Variants in COL14A1 observed in about 807,000 individuals in gnomAD.
COL14A1 encodes collagen alpha-1(XIV) chain.
A neutral mutation model predicts 230.3 loss-of-function variants in COL14A1; 136 were observed. That is an observed-to-expected ratio of 0.59 (90% CI 0.51 to 0.68). The LOEUF is 0.68. Ranked by LOEUF, COL14A1 falls within the 30% of genes least tolerant of loss-of-function variation. The pLI, the probability that COL14A1 is intolerant of heterozygous loss-of-function variation, is 0.00. For missense variants in COL14A1, 1,976 were observed against 2,215.8 expected (o/e 0.89, Z 2.17); for synonymous variants, 792 against 784.1 (o/e 1.01, Z -0.17).
rs118148756 is a variant in COL14A1, at chr8:120,279,775, T to C, written c.3482-160T>C. ...GGAATCATTATCACATAATGAAATA[T>C]ATACATGCAGAACTCTGATGAACTG... On this transcript the variant is annotated intron_variant, in intron 28 of 47. Coordinates refer to ENST00000297848, the MANE Select transcript of COL14A1 (RefSeq NM_021110.4). 1.7e-4 allele frequency among the ~76,000 whole-genome samples: 26 copies of C among 152,302 alleles called. No homozygotes were observed. The East Asian group carries it at 3.9e-3, about 23-fold the overall frequency.
intron 37 of COL14A1, among the ~76,000 whole-genome samples, chr8:120,310,652 T>G (rs2198748): frequency 1.3e-5 from 2 of 151,986 alleles, no homozygotes; most frequent in African/African-American, 4.8e-5. Context: ...AGAAGCCCAG[T>G]CACTAATGGA....
At chr8:120,129,162 G>A (rs1310252576) in intron 1 of COL14A1, among the ~76,000 whole-genome samples, 5 of 152,160 alleles carry the variant, frequency 3.3e-5, no homozygotes, top group Non-Finnish European at 7.3e-5. Context: ...TTGGCAAATG[G>A]AAATGCCAAT....
chr8:120,365,159 T>C (rs1823367207), intron 45 of COL14A1, among the ~76,000 whole-genome samples: 1 of 152,206 alleles, frequency 6.6e-6, no homozygotes, highest in Non-Finnish European at 1.5e-5. Context: ...TCGTGCTTTC[T>C]TTATGAATAA....
At chr8:120,295,306 C>T (rs533270079) in intron 34 of COL14A1, among the ~76,000 whole-genome samples, 2 of 151,852 alleles carry the variant, frequency 1.3e-5, no homozygotes, top group East Asian at 1.9e-4. Flanking sequence ...GAAAATAAAC[C>T]ACAAGAAAAT....
chr8:120,247,161 C>G (rs1020862756), intron 20 of COL14A1, among the ~76,000 whole-genome samples: 1 of 152,208 alleles, frequency 6.6e-6, no homozygotes, highest in Non-Finnish European at 1.5e-5. Flanking sequence ...TGGTGGCTCA[C>G]GCCTGTAATC....
At chr8:120,346,567 CA>C (rs1822520616) in intron 45 of COL14A1, among the ~76,000 whole-genome samples, 1 of 152,200 alleles carries the variant, frequency 6.6e-6, no homozygotes. Context: ...TATTTTGACT[CA>C]TGCTAACAGG....
chr8:120,143,407 A>G (rs1814981851), intron 1 of COL14A1, among the ~76,000 whole-genome samples: 1 of 152,186 alleles, frequency 6.6e-6, no homozygotes. Flanking sequence ...TCACAAGGTC[A>G]GGAGTTTGGG....
intron 18 of COL14A1, among the ~76,000 whole-genome samples, chr8:120,229,937 GCACC>G (rs1191522101): frequency 6.6e-6 from 1 of 152,096 alleles, no homozygotes; most frequent in Non-Finnish European, 1.5e-5. Flanking sequence ...CTGGAGTGCA[GCACC>G]ACGATCAAGG....
chr8:120,349,444 C>T (rs1260504628), intron 45 of COL14A1, among the ~76,000 whole-genome samples: 12 of 144,070 alleles, frequency 8.3e-5, no homozygotes, highest in South Asian at 2.3e-4. Flanking sequence ...CTCTGAGCTA[C>T]GGGAGGACAT....
intron 45 of COL14A1, among the ~76,000 whole-genome samples, chr8:120,356,454 G>A (rs1822988461): frequency 6.6e-6 from 1 of 152,150 alleles, no homozygotes; most frequent in Non-Finnish European, 1.5e-5. Flanking sequence ...CTTAATCTCT[G>A]AAACTCCATT....
intron 45 of COL14A1, among the ~76,000 whole-genome samples, chr8:120,362,171 T>C (rs1457209901): frequency 6.6e-6 from 1 of 152,152 alleles, no homozygotes; most frequent in Non-Finnish European, 1.5e-5. Context: ...CACAGAGGCT[T>C]CTGTGCCAAT....
intron 24 of COL14A1, among the ~76,000 whole-genome samples, chr8:120,266,543 A>C (rs1819505643): frequency 6.6e-6 from 1 of 152,050 alleles, no homozygotes; most frequent in Admixed American, 6.6e-5. Context: ...TCCTGCCTTA[A>C]ATCAACATTA....
chr8:120,182,041 A>G (rs559981501), intron 5 of COL14A1, among the ~76,000 whole-genome samples: 14 of 152,224 alleles, frequency 9.2e-5, no homozygotes, highest in Non-Finnish European at 1.8e-4. Flanking sequence ...GTTTTCCTCT[A>G]GTTCCTCCCT....
At chr8:120,225,637 T>G (rs1818070730) in intron 15 of COL14A1, among the ~76,000 whole-genome samples, 1 of 152,174 alleles carries the variant, frequency 6.6e-6, no homozygotes, top group Non-Finnish European at 1.5e-5. Flanking sequence ...AATATATCAG[T>G]CGATGATTTT....
intron 40 of COL14A1, among the ~76,000 whole-genome samples, chr8:120,320,767 C>T (rs753348625): frequency 1.3e-5 from 2 of 152,184 alleles, no homozygotes; most frequent in Non-Finnish European, 2.9e-5. Flanking sequence ...AGCCTTTGCA[C>T]AATCAGCCAC....
chr8:120,283,813 C>T lies in COL14A1; in HGVS notation c.3967+35C>T, dbSNP rs558662847. 8 of 1,567,802 alleles carry T rather than the reference C, an allele frequency of 5.1e-6. 1 individual carries two copies. In the South Asian group the frequency reaches 9.5e-5, roughly 19 times the overall value. ...TTTATTGAGATCACATTCACATATA[C>T]ATGTATGAGTAATGTATGTGGCATG... is the stretch of plus-strand genomic sequence containing the variant. On this transcript the variant is annotated intron_variant, in intron 32 of 47. Coordinates refer to ENST00000297848, the MANE Select transcript of COL14A1 (RefSeq NM_021110.4).
chr8:120,178,397 G>A (rs1816355263), intron 5 of COL14A1, among the ~76,000 whole-genome samples: 1 of 152,188 alleles, frequency 6.6e-6, no homozygotes, highest in Non-Finnish European at 1.5e-5. Flanking sequence ...CCCTGCAAAG[G>A]ACATGAACTC....
At position 120,231,792 on chromosome 8, in the gene COL14A1, A is replaced by G. The variant is rs1204699808; in HGVS notation, c.2349+174A>G. 9 of 625,290 alleles carry G rather than the reference A, an allele frequency of 1.4e-5. No individual in the cohort carries two copies. The Admixed American group carries it at 2.5e-4, about 17-fold the overall frequency. 38.7% of individuals were successfully genotyped at this position (625,290 alleles called of 1,614,324 possible). A position where few individuals can be genotyped will look rare whatever the true frequency, so the allele number is the denominator to read the frequency against. The stretch of plus-strand genomic sequence containing the variant: ...CACTACTGGCTTCTTAGTGACCTTT[A>G]TAAATCCAAAACTTGCTCCATGTAC... On this transcript the variant is annotated intron_variant, in intron 19 of 47. Transcript: ENST00000297848.
intron 1 of COL14A1, among the ~76,000 whole-genome samples, chr8:120,135,534 G>C (rs1001758947): frequency 6.6e-6 from 1 of 152,158 alleles, no homozygotes; most frequent in African/African-American, 2.4e-5. Flanking sequence ...CAAAGTGCTG[G>C]ATTACAGGTG....
Sources: allele counts gnomAD v4.1 joint callset (sites outside exome capture counted in the v4.1 genomes callset), GRCh38; gene constraint gnomAD v4.1.1; transcripts MANE v1.5; gene names NCBI Gene and HGNC (gene_info 2026-07-23, HGNC 2026-07-21).